DLGAP4: variants seen among roughly 807,000 people sequenced by gnomAD.
DLGAP4 encodes the protein DLG associated protein 4.
In DLGAP4, 18 loss-of-function variants were observed where a neutral mutation model predicts 86.9. The observed-to-expected ratio is 0.21, with a 90% CI of 0.14 to 0.31. The LOEUF (loss-of-function observed/expected upper bound fraction) is 0.31. Among genes scored for constraint, DLGAP4 ranks in the 10% least tolerant of loss-of-function variants. The pLI, the probability that DLGAP4 is intolerant of heterozygous loss-of-function variation, is 1.00. For missense variants in DLGAP4, 1,085 were observed against 1,362.6 expected, an observed-to-expected ratio of 0.80 and a Z score of 3.21; for synonymous variants, 548 against 574.3, an observed-to-expected ratio of 0.95 and a Z score of 0.65.
Position 36,500,548 on chromosome 20 carries a change from C to A in DLGAP4, c.2449C>A (p.Arg817=). ...FLKLLQAETE[R]LEGWCCQMDK... is the part of the protein sequence containing the mutation. Reference sequence around the variant, plus strand: ...AAAGCTACTGCAGGCAGAAACAGAGCGGCTGGAAGGCTGGTGCTGCCAGAT... The same window carrying A: ...AAAGCTACTGCAGGCAGAAACAGAGAGGCTGGAAGGCTGGTGCTGCCAGAT... The change falls in exon 10 of 13, where the codon CGG becomes AGG. Residue 817 remains arginine, a synonymous_variant. Transcript: ENST00000339266. The surrounding 1 kb of genome is among the most constrained non-coding windows in gnomAD (Gnocchi z 4.6). 6.5e-7 allele frequency: 1 copy of A among 1,537,498 alleles called. No individual in the cohort carries two copies.
At chr20:36,427,192 A>G (rs1169037956) in intron 2 of DLGAP4, among the ~76,000 whole-genome samples, 1 of 151,620 alleles carries the variant, frequency 6.6e-6, no homozygotes, top group Non-Finnish European at 1.5e-5. Flanking sequence ...CAAAAGAAAG[A>G]AAGAGGCTGG....
chr20:36,492,206 A>G (rs2035693980), intron 7 of DLGAP4, among the ~76,000 whole-genome samples: 1 of 152,046 alleles, frequency 6.6e-6, no homozygotes, highest in African/African-American at 2.4e-5. Context: ...TTGAAATGAG[A>G]GCTCTCCTGT....
chr20:36,384,075 A>AC (rs1266423499), intron 2 of DLGAP4, among the ~76,000 whole-genome samples: 1 of 151,368 alleles, frequency 6.6e-6, no homozygotes, highest in African/African-American at 2.4e-5. Context: ...TAGCTAGAAA[A>AC]AAAAAGAAGC....
At chr20:36,442,887 C>G in intron 6 of DLGAP4, 110 bp downstream of exon 6, 1 of 1,444,106 alleles carries the variant, frequency 6.9e-7, no homozygotes, top group East Asian at 2.3e-5. Flanking sequence ...ACAAGCAGAG[C>G]CATCACCAGG....
At chr20:36,360,908 A>C (rs1055517923) in intron 1 of DLGAP4, among the ~76,000 whole-genome samples, 9 of 152,044 alleles carry the variant, frequency 5.9e-5, no homozygotes, top group Non-Finnish European at 1.0e-4. Flanking sequence ...GTGACGGGCC[A>C]AGGGTTCAGG....
At chr20:36,322,791 G>A (rs577659536) in intron 1 of DLGAP4, among the ~76,000 whole-genome samples, 9 of 152,288 alleles carry the variant, frequency 5.9e-5, no homozygotes, top group East Asian at 3.9e-4. Flanking sequence ...AGTATAGCAC[G>A]TGTTGTAGAG....
intron 1 of DLGAP4, among the ~76,000 whole-genome samples, chr20:36,313,134 C>A (rs2065067600): frequency 6.6e-6 from 1 of 152,148 alleles, no homozygotes; most frequent in Admixed American, 6.5e-5. Context: ...TGCCCTCTAT[C>A]TTCCAGCTCC....
chr20:36,358,796 A>G (rs1301432719), intron 1 of DLGAP4, among the ~76,000 whole-genome samples: 1 of 152,198 alleles, frequency 6.6e-6, no homozygotes, highest in Non-Finnish European at 1.5e-5. Flanking sequence ...CAACAGAGTG[A>G]GACTCCGTCT....
intron 7 of DLGAP4, among the ~76,000 whole-genome samples, chr20:36,458,340 A>G (rs953894438): frequency 7.4e-6 from 1 of 135,608 alleles, no homozygotes; most frequent in African/African-American, 2.8e-5. Context: ...GTGAAACCCC[A>G]TATCTTTTTT....
intron 7 of DLGAP4, among the ~76,000 whole-genome samples, chr20:36,491,084 C>T (rs2035643906): frequency 6.6e-6 from 1 of 150,618 alleles, no homozygotes; most frequent in Non-Finnish European, 1.5e-5. Context: ...TGGTGCATGC[C>T]TGTAATCCCA....
intron 2 of DLGAP4, among the ~76,000 whole-genome samples, chr20:36,395,423 C>T (rs975690088): frequency 6.6e-6 from 1 of 152,128 alleles, no homozygotes; most frequent in Non-Finnish European, 1.5e-5. Flanking sequence ...TCAATGAATG[C>T]GTGAACCTAA....
In DLGAP4 at chr20:36,497,343, C is replaced by T. The variant is rs1268761627; in HGVS notation, c.2010+277C>T. On this transcript the variant is annotated intron_variant, in intron 8 of 12. Coordinates refer to ENST00000339266, the MANE Select transcript of DLGAP4 (RefSeq NM_001365621.2). Reference sequence around the variant, plus strand: ...GTAGTTACACTCAGCCAGCCATCTCCTGTCCACTGTTTGCCTGTCCACTGT... The same window carrying T: ...GTAGTTACACTCAGCCAGCCATCTCTTGTCCACTGTTTGCCTGTCCACTGT... The T allele has an allele frequency of 4.6e-6, 6 of 1,307,506 alleles. No individual in the cohort carries two copies. In the Admixed American group the frequency reaches 1.4e-4, roughly 31 times the overall value. The allele number at this position is 1,307,506 out of a possible 1,614,324, so 81.0% of individuals were successfully genotyped here.
At chr20:36,516,084 C>T (rs962161026) in intron 10 of DLGAP4, among the ~76,000 whole-genome samples, 2 of 152,310 alleles carry the variant, frequency 1.3e-5, no homozygotes, top group South Asian at 2.1e-4. Flanking sequence ...AGCTGGCCCA[C>T]GCACTGCTTC....
At chr20:36,497,430 C>T (rs928056138) in intron 8 of DLGAP4, 4 of 1,097,546 alleles carry the variant, frequency 3.6e-6, no homozygotes, top group African/African-American at 1.6e-5. Context: ...ACTGGCCTAA[C>T]AGTTCTCTAA....
chr20:36,329,201 T>C (rs1285776243), intron 1 of DLGAP4, among the ~76,000 whole-genome samples: 4 of 152,208 alleles, frequency 2.6e-5, no homozygotes, highest in African/African-American at 9.6e-5. Flanking sequence ...TGAGTCACCA[T>C]ACCTGGCCAA....
intron 1 of DLGAP4, among the ~76,000 whole-genome samples, chr20:36,366,715 C>T (rs904756887): frequency 2.6e-5 from 4 of 152,158 alleles, no homozygotes; most frequent in African/African-American, 7.2e-5. Flanking sequence ...TTCTCCCATC[C>T]GGGGAAAAGG....
intron 7 of DLGAP4, among the ~76,000 whole-genome samples, chr20:36,495,849 GT>G (rs1195717572): frequency 2.0e-5 from 3 of 152,062 alleles, no homozygotes; most frequent in African/African-American, 7.2e-5. Context: ...AAGGATGTGT[GT>G]TTTTTTGTTT....
Position 36,499,573 on chromosome 20 carries a change from T to G in DLGAP4, c.2011-15T>G. On this transcript the variant is annotated splice_polypyrimidine_tract_variant and intron_variant, in intron 8 of 12. Transcript: ENST00000339266. ...CTTTGTCTCCGTGCCGTTGCTGTCG[T>G]TGTCCTTCAATAAGGTTGACTGCAT... is the stretch of plus-strand genomic sequence containing the variant. 1 of 1,613,238 alleles carries G rather than the reference T, an allele frequency of 6.2e-7. No individual in the cohort carries two copies. Among genetic ancestry groups the G allele is most frequent in the Non-Finnish European group, 8.5e-7 (1 of 1,179,440 alleles).
intron 10 of DLGAP4, among the ~76,000 whole-genome samples, chr20:36,516,114 A>G (rs1438957165): frequency 6.6e-6 from 1 of 152,240 alleles, no homozygotes; most frequent in African/African-American, 2.4e-5. Flanking sequence ...TGCTTTGGCC[A>G]GAATTTAGAC....
Sources: gnomAD v4.1 joint callset for allele counts (sites outside exome capture counted in the v4.1 genomes callset) on GRCh38, gnomAD v4.1.1 for gene constraint, Gnocchi (gnomAD v3.1) non-coding constraint, MANE v1.5 for transcripts, NCBI Gene and HGNC (gene_info 2026-07-23, HGNC 2026-07-21) for gene names.